BMPER: variants seen among roughly 807,000 people sequenced by gnomAD.
BMPER encodes the protein BMP binding endothelial regulator.
In BMPER, 45 loss-of-function variants were observed where a neutral mutation model predicts 87.3. That is an observed-to-expected ratio of 0.52 (90% confidence interval 0.41 to 0.66). BMPER has a LOEUF of 0.66. Among genes scored for constraint, BMPER ranks in the 30% least tolerant of loss-of-function variants. The pLI is 0.00. For synonymous variants in BMPER, 326 were observed against 316.2 expected (o/e 1.03, Z -0.33); for missense variants, 784 against 867.5 (o/e 0.90, Z 1.21).
intron 13 of BMPER, among the ~76,000 whole-genome samples, chr7:34,112,046 G>A (rs1789980008): frequency 2.0e-5 from 3 of 152,098 alleles, no homozygotes; most frequent in Admixed American, 1.3e-4. Context: ...TTGTTTTCTA[G>A]CATTTATAGA....
intron 13 of BMPER, among the ~76,000 whole-genome samples, chr7:34,118,511 T>C (rs1790174458): frequency 6.6e-6 from 1 of 152,022 alleles, no homozygotes; most frequent in Admixed American, 6.6e-5. Context: ...TTTATTGCCA[T>C]GAGGGGGAAG....
chr7:33,930,540 C>G (rs762646319), intron 2 of BMPER, among the ~76,000 whole-genome samples: 3 of 152,182 alleles, frequency 2.0e-5, no homozygotes, highest in Non-Finnish European at 4.4e-5. Flanking sequence ...CTTGCATTCT[C>G]TCCTGTCTGT....
At chr7:34,146,962 T>G (rs1431753472) in intron 14 of BMPER, among the ~76,000 whole-genome samples, 2 of 152,238 alleles carry the variant, frequency 1.3e-5, no homozygotes, top group African/African-American at 2.4e-5. Flanking sequence ...TGTTGTGATC[T>G]TGTCTGCTGT....
Position 34,079,104 on chromosome 7 carries a change from C to T in BMPER, c.1326C>T (p.Gly442=). 6.2e-7 allele frequency: 1 copy of T among 1,613,824 alleles called. No individual in the cohort carries two copies. Among genetic ancestry groups the T allele is most frequent in the Non-Finnish European group, 8.5e-7 (1 of 1,179,894 alleles). ...LQQHLTVRWN[G]SRIALPCRAP... ...AGCACCTCACCGTGCGCTGGAACGGCTCGCGCATCGCGCTCCCCTGCCGCG... is the reference window on the plus strand; with the variant it reads ...AGCACCTCACCGTGCGCTGGAACGGTTCGCGCATCGCGCTCCCCTGCCGCG... The change falls in exon 12 of 15, where the codon GGC becomes GGT. Residue 442 remains glycine (G), a synonymous_variant. Coordinates refer to ENST00000649409, the MANE Select transcript of BMPER (RefSeq NM_001365308.1).
intron 11 of BMPER, among the ~76,000 whole-genome samples, chr7:34,074,413 T>C (rs1478906759): frequency 1.3e-5 from 2 of 152,248 alleles, no homozygotes; most frequent in Non-Finnish European, 2.9e-5. Context: ...CGGGTCGTTC[T>C]GGGTTGCACC....
At chr7:34,110,461 C>T (rs1789931596) in intron 13 of BMPER, among the ~76,000 whole-genome samples, 1 of 152,102 alleles carries the variant, frequency 6.6e-6, no homozygotes, top group African/African-American at 2.4e-5. Context: ...TGCGAAGCCT[C>T]CAGAGGGTTC....
chr7:34,135,605 C>A (rs780396683), intron 13 of BMPER, among the ~76,000 whole-genome samples: 3 of 152,164 alleles, frequency 2.0e-5, no homozygotes, highest in African/African-American at 7.2e-5. Context: ...GGGAGGTTGA[C>A]CACATGACTA....
At chr7:33,977,857 A>G (rs560290761) in intron 6 of BMPER, among the ~76,000 whole-genome samples, 1 of 152,210 alleles carries the variant, frequency 6.6e-6, no homozygotes. Flanking sequence ...TCTAACATAC[A>G]CATGTTTAAG....
chr7:33,995,981 A>G (rs1786400084), intron 6 of BMPER, among the ~76,000 whole-genome samples: 1 of 152,188 alleles, frequency 6.6e-6, no homozygotes, highest in Non-Finnish European at 1.5e-5. Flanking sequence ...TCCAAGCCTC[A>G]CTTTCCTCAT....
chr7:33,949,951 T>TA, intron 3 of BMPER, among the ~76,000 whole-genome samples: 1 of 152,332 alleles, frequency 6.6e-6, no homozygotes, highest in Middle Eastern at 3.4e-3. Context: ...TTGTTAACAT[T>TA]AAAATCATGC....
At chr7:34,058,273 C>T in intron 10 of BMPER, 110 bp downstream of exon 10, 1 of 1,044,870 alleles carries the variant, frequency 9.6e-7, no homozygotes, top group South Asian at 1.4e-5. Context: ...CCCAAAGCCT[C>T]TACATTCCTG....
At position 34,108,794 on chromosome 7, in the gene BMPER, C is replaced by G. The variant is rs1242003910; in HGVS notation, c.1745+22702C>G. The stretch of plus-strand genomic sequence containing the variant: ...GCAATGGGAAAACCCCTAACAGTCC[C>G]CATGGATTTTTGAATGTTCCTAAAC... On this transcript the variant is annotated intron_variant, in intron 13 of 14. Coordinates refer to ENST00000649409, the MANE Select transcript of BMPER (RefSeq NM_001365308.1). 2.0e-5 allele frequency among the ~76,000 whole-genome samples: 3 copies of G among 152,308 alleles called. No individual in the cohort carries two copies. In the East Asian group the frequency reaches 5.8e-4, roughly 29 times the overall value.
intron 2 of BMPER, among the ~76,000 whole-genome samples, chr7:33,922,485 A>G (rs891752329): frequency 3.9e-5 from 6 of 151,948 alleles, no homozygotes; most frequent in Non-Finnish European, 5.9e-5. Flanking sequence ...ACCTTATTTT[A>G]TTGTTGTTGT....
intron 6 of BMPER, among the ~76,000 whole-genome samples, chr7:34,040,847 G>T (rs1209645743): frequency 6.6e-6 from 1 of 152,132 alleles, no homozygotes; most frequent in Admixed American, 6.6e-5. Context: ...AAGAAGGGAG[G>T]TGGGAGGAGA....
intron 1 of BMPER, 83 bp downstream of exon 1, chr7:33,905,829 T>TGTG: frequency 5.4e-6 from 2 of 368,072 alleles, no homozygotes; most frequent in Non-Finnish European, 1.1e-5. Context: ...GCCCCGGGGA[T>TGTG]GGGAGGGTGG....
intron 5 of BMPER, among the ~76,000 whole-genome samples, chr7:33,971,069 A>T (rs941362972): frequency 6.6e-6 from 1 of 151,358 alleles, no homozygotes; most frequent in Non-Finnish European, 1.5e-5. Context: ...CTCTTAAGCC[A>T]CTGGCCAATA....
At chr7:34,002,485 A>T (rs1786607804) in intron 6 of BMPER, among the ~76,000 whole-genome samples, 1 of 151,796 alleles carries the variant, frequency 6.6e-6, no homozygotes, top group South Asian at 2.1e-4. Flanking sequence ...TGATTGCTTT[A>T]GTGGGTTATA....
intron 3 of BMPER, among the ~76,000 whole-genome samples, chr7:33,949,081 A>G (rs1784958216): frequency 6.6e-6 from 1 of 152,192 alleles, no homozygotes; most frequent in Non-Finnish European, 1.5e-5. Flanking sequence ...GGTGACTGAC[A>G]ACATGTAGCT....
At chr7:34,056,626 T>C (rs867904056) in intron 9 of BMPER, among the ~76,000 whole-genome samples, 2,215 of 151,364 alleles carry the variant, frequency 0.015, 71 homozygotes, top group African/African-American at 0.05. Context: ...CTTTTTTTTT[T>C]TTTTTTTTTT....
Sources: gnomAD v4.1 joint callset for allele counts (sites outside exome capture counted in the v4.1 genomes callset) on GRCh38, gnomAD v4.1.1 for gene constraint, MANE v1.5 for transcripts, NCBI Gene and HGNC (gene_info 2026-07-23, HGNC 2026-07-21) for gene names.